Variants in SCN10A observed in about 807,000 individuals in gnomAD.
SCN10A encodes the protein sodium channel protein type 10 subunit alpha.
SCN10A carries 162 observed loss-of-function variants against 170.7 expected under a neutral mutation model. That is an observed-to-expected ratio of 0.95 (90% CI 0.84 to 1.08). SCN10A has a LOEUF of 1.08. SCN10A is among the 50% of genes least tolerant of loss of function. SCN10A has a pLI of 0.00. For missense variants in SCN10A, 2,527 were observed against 2,436.9 expected, an observed-to-expected ratio of 1.04 and a Z score of -0.78; for synonymous variants, 985 against 904.6, an observed-to-expected ratio of 1.09 and a Z score of -1.59.
chr3:38,698,597 C>T (rs755927850), intron 27 of SCN10A, 35 bp from the exon 28 acceptor site: 1 of 1,587,194 alleles, frequency 6.3e-7, no homozygotes. Flanking sequence ...TAATTAGTAT[C>T]TCCAGCCATG....
At chr3:38,742,237 T>TCCCCCCCCCCC in intron 14 of SCN10A, 54 bp downstream of exon 14, 1 of 970,196 alleles carries the variant, frequency 1.0e-6, no homozygotes, top group Non-Finnish European at 1.6e-6. Flanking sequence ...CCTGCCATCA[T>TCCCCCCCCCCC]CCCCACCCCG....
chr3:38,758,458 G>T (rs1465622023), intron 8 of SCN10A, among the ~76,000 whole-genome samples: 2 of 152,190 alleles, frequency 1.3e-5, no homozygotes, highest in African/African-American at 4.8e-5. Flanking sequence ...AGTAAATATT[G>T]TATATAAACT....
At chr3:38,756,020 C>A in intron 10 of SCN10A, 62 bp from the exon 11 acceptor site, 1 of 1,571,364 alleles carries the variant, frequency 6.4e-7, no homozygotes. Context: ...ATGAATGTGT[C>A]CCCCAGACAT....
intron 15 of SCN10A, among the ~76,000 whole-genome samples, chr3:38,736,963 GTTTTTTTTTT>G (rs71085334): frequency 1.3e-4 from 6 of 46,684 alleles, no homozygotes; most frequent in South Asian, 2.0e-3. Flanking sequence ...AGAAATGTTC[GTTTTTTTTTT>G]TTTTTTTTTT....
chr3:38,751,719 T>C (rs1258887853), intron 12 of SCN10A, among the ~76,000 whole-genome samples: 1 of 152,236 alleles, frequency 6.6e-6, no homozygotes, highest in Non-Finnish European at 1.5e-5. Flanking sequence ...TGTTGCCTAA[T>C]TTGCTCATTT....
intron 1 of SCN10A, among the ~76,000 whole-genome samples, chr3:38,812,265 C>T (rs2126067119): frequency 6.6e-6 from 1 of 152,212 alleles, no homozygotes; most frequent in East Asian, 1.9e-4. Context: ...CTCACACAAT[C>T]ATAGGAGCAT....
intron 20 of SCN10A, among the ~76,000 whole-genome samples, chr3:38,722,050 C>T (rs1029281091): frequency 1.3e-5 from 2 of 152,216 alleles, no homozygotes; most frequent in African/African-American, 4.8e-5. Flanking sequence ...CCAGGTTTGG[C>T]AGGCCATGGC....
intron 4 of SCN10A, among the ~76,000 whole-genome samples, chr3:38,774,903 T>A (rs1270439707): frequency 6.6e-6 from 1 of 152,164 alleles, no homozygotes; most frequent in African/African-American, 2.4e-5. Flanking sequence ...CAAATCAGAA[T>A]CTGGAGGCAT....
intron 5 of SCN10A, among the ~76,000 whole-genome samples, chr3:38,770,999 G>C (rs2063992265): frequency 6.6e-6 from 1 of 152,164 alleles, no homozygotes. Context: ...TACCCAGTTG[G>C]GATGTATGTT....
At position 38,711,234 on chromosome 3, in the gene SCN10A, G is replaced by T. The variant is rs2063270577; in HGVS notation, c.4090-337C>A. On this transcript the variant is annotated intron_variant, in intron 23 of 27. Transcript: ENST00000449082. ...ACTTGCCTAAGGTTTCCCCTCTCAG[G>T]GCTGCCATTTTCTCAGCCACTTTCC... 2.0e-5 allele frequency among the ~76,000 whole-genome samples: 3 copies of T among 152,256 alleles called. No homozygotes were observed. In the South Asian group the frequency reaches 6.2e-4, roughly 32 times the overall value.
At position 38,742,543 on chromosome 3, in the gene SCN10A, T is replaced by A. The variant is rs1559437541; in HGVS notation, c.1868-14A>T. 1 of 1,604,532 alleles carries A rather than the reference T, an allele frequency of 6.2e-7. No homozygotes were observed. Among genetic ancestry groups the A allele is most frequent in the East Asian group, 2.2e-5 (1 of 44,814 alleles). ...ACTCCTCGAGTTCTGCATTATAGTG[T>A]GGTCAATGACAGCTGTCAGCCATGT... is the stretch of plus-strand genomic sequence containing the variant. On this transcript the variant is annotated splice_polypyrimidine_tract_variant and intron_variant, in intron 13 of 27. Coordinates refer to ENST00000449082, the MANE Select transcript of SCN10A (RefSeq NM_006514.4).
chr3:38,764,920 T>A (rs1007602723), intron 5 of SCN10A, among the ~76,000 whole-genome samples: 2 of 152,252 alleles, frequency 1.3e-5, no homozygotes, highest in Non-Finnish European at 2.9e-5. Context: ...TAAGGTGGTA[T>A]CTCATTGTGG....
At chr3:38,783,615 AT>A (rs1194862142) in intron 4 of SCN10A, among the ~76,000 whole-genome samples, 3 of 152,170 alleles carry the variant, frequency 2.0e-5, no homozygotes, top group African/African-American at 7.2e-5. Context: ...GTTTATGGAC[AT>A]TTGAGTGGTT....
chr3:38,697,549 C>T lies in SCN10A; in HGVS notation c.5671G>A (p.Asp1891Asn). 1 of 1,614,176 alleles carries T rather than the reference C, an allele frequency of 6.2e-7. No homozygotes were observed. Among genetic ancestry groups the T allele is most frequent in the Non-Finnish European group, 8.5e-7 (1 of 1,180,034 alleles). ...GCTGTGAATGCAACAAAACCTTCAT[C>T]TGGGAGTGATGCAGCCTCCTCCTCA... ...RAEEEAASLP[D>N]EGFVAFTANE... Residue 1891 changes from aspartate to asparagine, a missense_variant, in exon 28 of 28, where the codon GAT (aspartate) becomes AAT (asparagine). Coordinates refer to ENST00000449082, the MANE Select transcript of SCN10A (RefSeq NM_006514.4).
rs773149634 is a variant in SCN10A at position 38,761,384 on chromosome 3, C to T, written c.692-1G>A. The T allele has an allele frequency of 1.2e-6, 2 of 1,611,832 alleles. No individual in the cohort carries two copies. Among genetic ancestry groups the T allele is most frequent in the Non-Finnish European group, 8.5e-7 (1 of 1,178,602 alleles). On this transcript the variant is annotated splice_acceptor_variant, in intron 6 of 27. Transcript: ENST00000449082. LOFTEE classifies it high-confidence loss of function. Reference sequence around the variant, plus strand: ...AGGGCCCCCACAATGACCTTCAGGCCTGCGGGAAGATGACAGTGGTATGAC... The same window carrying T: ...AGGGCCCCCACAATGACCTTCAGGCTTGCGGGAAGATGACAGTGGTATGAC...
chr3:38,793,422 A>G (rs1278770999), intron 2 of SCN10A, among the ~76,000 whole-genome samples: 1 of 151,984 alleles, frequency 6.6e-6, no homozygotes, highest in Non-Finnish European at 1.5e-5. Flanking sequence ...TCTGCTCTCC[A>G]CCTGCAAAGA....
chr3:38,785,046 G>C (rs1274979588), intron 4 of SCN10A, among the ~76,000 whole-genome samples: 2 of 152,134 alleles, frequency 1.3e-5, no homozygotes, highest in Admixed American at 1.3e-4. Flanking sequence ...TTGTGAAAAT[G>C]GCCATACTGC....
At chr3:38,798,835 G>A (rs932506632) in intron 1 of SCN10A, among the ~76,000 whole-genome samples, 2 of 124,538 alleles carry the variant, frequency 1.6e-5, no homozygotes, top group African/African-American at 6.2e-5. Context: ...TGTTGTCCAG[G>A]CTGGAGTGCA....
intron 10 of SCN10A, 81 bp downstream of exon 10, chr3:38,756,593 A>C (rs2063807546): frequency 1.4e-5 from 16 of 1,138,332 alleles, no homozygotes; most frequent in Non-Finnish European, 1.6e-5. Context: ...ACGGTGCCCT[A>C]ATTGAAGTGG....
Sources: allele counts gnomAD v4.1 joint callset (sites outside exome capture counted in the v4.1 genomes callset), GRCh38; gene constraint gnomAD v4.1.1; transcripts MANE v1.5; gene names NCBI Gene and HGNC (gene_info 2026-07-23, HGNC 2026-07-21).